AGL: variants seen among roughly 807,000 people sequenced by gnomAD.
The protein encoded by AGL is glycogen debranching enzyme.
Under a neutral mutation model 199.3 loss-of-function variants are expected in AGL, and 128 were observed. That is an observed-to-expected ratio of 0.64 (90% CI 0.56 to 0.74). The LOEUF is 0.74. AGL is among the 30% of genes least tolerant of loss of function. AGL has a pLI of 0.00. For synonymous variants in AGL, 584 were observed against 594.7 expected (o/e 0.98, Z 0.26); for missense variants, 1,809 against 1,820.8 (o/e 0.99, Z 0.12).
At position 99,881,134 on chromosome 1, in the gene AGL, C is replaced by T; in HGVS notation, c.1958C>T (p.Ala653Val). The change falls in exon 15 of 34, where the codon GCT (alanine) becomes GTT (valine). Residue 653 changes from alanine (A) to valine (V), a missense_variant. Coordinates refer to ENST00000361915, the MANE Select transcript of AGL (RefSeq NM_000642.3). The part of the protein sequence containing the change: ...STTIVSMACC[A>V]SGSTRGYDEL... ...ACAATTGTTTCTATGGCATGTTGTG[C>T]TAGTGGAAGTACAAGAGGCTATGAT... The T allele has an allele frequency of 6.2e-7, 1 of 1,613,898 alleles. No homozygotes were observed. The highest frequency in any genetic ancestry group is 8.5e-7 in the Non-Finnish European group (1 of 1,179,922).
chr1:99,891,167 G>C (rs1385329374), intron 21 of AGL, 53 bp from the exon 22 acceptor site: 30 of 1,610,218 alleles, frequency 1.9e-5, no homozygotes, highest in Admixed American at 6.7e-5. Flanking sequence ...AGAGGATATA[G>C]GAACAAATTG....
At chr1:99,892,356 G>T in intron 23 of AGL, 76 bp from the exon 24 acceptor site, 1 of 1,332,960 alleles carries the variant, frequency 7.5e-7, no homozygotes, top group East Asian at 2.3e-5. Context: ...ATCATTTGAA[G>T]GAAAGAAACC....
chr1:99,877,283 G>T (rs1035536282), intron 11 of AGL, among the ~76,000 whole-genome samples: 4 of 151,964 alleles, frequency 2.6e-5, no homozygotes, highest in African/African-American at 9.7e-5. Flanking sequence ...AATACAACCT[G>T]TTGCCGAAAA....
intron 24 of AGL, among the ~76,000 whole-genome samples, chr1:99,894,505 C>T (rs751516281): frequency 2.6e-5 from 4 of 152,054 alleles, no homozygotes; most frequent in Non-Finnish European, 5.9e-5. Flanking sequence ...TCACTATCAT[C>T]AAAATTAATA....
intron 2 of AGL, chr1:99,861,179 G>A: frequency 2.5e-6 from 3 of 1,201,392 alleles, no homozygotes; most frequent in Non-Finnish European, 3.1e-6. Context: ...TTAATTCAGG[G>A]GTGAGGATGG....
chr1:99,907,431 GT>G (rs1654372808), intron 27 of AGL, among the ~76,000 whole-genome samples: 1 of 152,074 alleles, frequency 6.6e-6, no homozygotes, highest in Non-Finnish European at 1.5e-5. Flanking sequence ...ACAAATATCA[GT>G]TTGAGTCCCT....
chr1:99,874,948 C>A (rs1205384124), intron 8 of AGL, 138 bp downstream of exon 8: 2 of 1,203,056 alleles, frequency 1.7e-6, no homozygotes, highest in African/African-American at 1.5e-5. Flanking sequence ...ACTATTTCAG[C>A]ACATGACATT....
intron 2 of AGL, 54 bp from the exon 3 acceptor site, chr1:99,861,449 A>G: frequency 1.2e-6 from 2 of 1,611,004 alleles, no homozygotes; most frequent in Non-Finnish European, 8.5e-7. Context: ...TCTGTTTTTC[A>G]ATGTGGTAAT....
At chr1:99,894,500 A>G (rs1165066936) in intron 24 of AGL, among the ~76,000 whole-genome samples, 2 of 152,158 alleles carry the variant, frequency 1.3e-5, no homozygotes, top group Non-Finnish European at 2.9e-5. Context: ...TGTCATCACT[A>G]TCATCAAAAT....
intron 20 of AGL, 23 bp downstream of exon 20, chr1:99,884,726 A>G (rs962933135): frequency 8.7e-6 from 14 of 1,613,340 alleles, no homozygotes; most frequent in Non-Finnish European, 1.1e-5. Flanking sequence ...TGTTTGGTAG[A>G]GATTTGCCAC....
chr1:99,894,560 A>C (rs1653158286), intron 24 of AGL, among the ~76,000 whole-genome samples: 1 of 152,184 alleles, frequency 6.6e-6, no homozygotes, highest in Admixed American at 6.5e-5. Context: ...ATCATAAATA[A>C]ATAATACACA....
At chr1:99,852,351 C>CTTT (rs11363065) in intron 2 of AGL, among the ~76,000 whole-genome samples, 12 of 97,506 alleles carry the variant, frequency 1.2e-4, no homozygotes, top group Non-Finnish European at 1.7e-4. Flanking sequence ...GCATTCATTT[C>CTTT]TTTTTTTTTT....
Position 99,881,863 on chromosome 1 carries a change from T to C in AGL, c.2308+172T>C, listed in dbSNP as rs76321904. Among the ~76,000 whole-genome samples, 1,489 of 152,202 alleles carry C rather than the reference T, an allele frequency of 9.8e-3. 11 individuals are homozygous for C. The highest frequency in any genetic ancestry group is 0.015 in the Non-Finnish European group (1,032 of 68,002). ...TTTTTGGTAACTTGGCCAGGTATGATGGCTCACACCAGTAATCCCAACACC... is the reference window on the plus strand; with the variant it reads ...TTTTTGGTAACTTGGCCAGGTATGACGGCTCACACCAGTAATCCCAACACC... On this transcript the variant is annotated intron_variant, in intron 17 of 33. Coordinates refer to ENST00000361915, the MANE Select transcript of AGL (RefSeq NM_000642.3).
rs745664438 is a variant in AGL at position 99,884,712 on chromosome 1, G to T, written c.2681+9G>T. The T allele has an allele frequency of 1.9e-6, 3 of 1,613,736 alleles. No homozygotes were observed. The highest frequency in any genetic ancestry group is 3.3e-5 in the Admixed American group (2 of 59,986). Reference sequence around the variant, plus strand: ...AAAATTCCTTTTGCTTCGTAAGTATGCCTTGTTTGGTAGAGATTTGCCACC... The same window carrying T: ...AAAATTCCTTTTGCTTCGTAAGTATTCCTTGTTTGGTAGAGATTTGCCACC... On this transcript the variant is annotated intron_variant, in intron 20 of 33. Transcript: ENST00000361915.
At chr1:99,854,408 A>G (rs1470455143) in intron 2 of AGL, among the ~76,000 whole-genome samples, 1 of 152,208 alleles carries the variant, frequency 6.6e-6, no homozygotes, top group Non-Finnish European at 1.5e-5. Context: ...ATGTATCCAA[A>G]TGTTATAAAT....
intron 5 of AGL, among the ~76,000 whole-genome samples, chr1:99,865,164 A>T (rs572852184): frequency 4.0e-4 from 60 of 149,580 alleles, no homozygotes; most frequent in East Asian, 1.2e-3. Context: ...ACAAAATATC[A>T]AAATATATAT....
intron 27 of AGL, among the ~76,000 whole-genome samples, chr1:99,909,338 TGGTGCCC>T (rs1471075750): frequency 6.6e-6 from 1 of 152,110 alleles, no homozygotes; most frequent in Admixed American, 6.5e-5. Flanking sequence ...ATTCCCCTCG[TGGTGCCC>T]GCAGGTACCA....
chr1:99,913,545 CAT>C lies in AGL; in HGVS notation c.3971_3972del (p.Tyr1324Ter). On this transcript the variant is annotated frameshift_variant, in exon 30 of 34. Coordinates refer to ENST00000361915, the MANE Select transcript of AGL (RefSeq NM_000642.3). LOFTEE classifies it high-confidence loss of function. ...TTTTCAGGAAAGGCTATAAAGGTCT[CAT>C]ATGATGAGTGGAACAGAAAAATACA... 2 of 1,613,562 alleles carry C rather than the reference CAT, an allele frequency of 1.2e-6. No individual in the cohort carries two copies. Among genetic ancestry groups the C allele is most frequent in the Non-Finnish European group, 1.7e-6 (2 of 1,179,680 alleles).
At chr1:99,888,244 GA>G in intron 21 of AGL, 136 bp downstream of exon 21, 1 of 1,119,500 alleles carries the variant, frequency 8.9e-7, no homozygotes, top group Non-Finnish European at 1.3e-6. Flanking sequence ...CTCATTAATT[GA>G]CCTTTGGCAA....
Sources: gnomAD v4.1 joint callset for allele counts (sites outside exome capture counted in the v4.1 genomes callset) on GRCh38, gnomAD v4.1.1 for gene constraint, MANE v1.5 for transcripts, NCBI Gene and HGNC (gene_info 2026-07-23, HGNC 2026-07-21) for gene names.